HERC4: variants seen among roughly 807,000 people sequenced by gnomAD.
The protein encoded by HERC4 is HECT and RLD domain containing E3 ubiquitin protein ligase 4.
Under a neutral mutation model 124.3 loss-of-function variants are expected in HERC4, and 28 were observed. The ratio of observed to expected loss-of-function variants is 0.23; its 90% CI spans 0.17 to 0.31. The LOEUF (loss-of-function observed/expected upper bound fraction) is 0.31, where lower values mean the gene tolerates loss of function less well. Among genes scored for constraint, HERC4 ranks in the 10% least tolerant of loss-of-function variants. HERC4 has a pLI of 1.00. For missense variants in HERC4, 713 were observed against 1,229.3 expected (o/e 0.58, Z 6.28); for synonymous variants, 407 against 421.5 (o/e 0.97, Z 0.42).
chr10:68,022,146 G>GA (rs1564558315), intron 8 of HERC4, among the ~76,000 whole-genome samples: 3 of 152,258 alleles, frequency 2.0e-5, no homozygotes, highest in Admixed American at 2.0e-4. Flanking sequence ...TAAATGGAAA[G>GA]AAACAGCATG....
intron 3 of HERC4, chr10:68,066,958 T>C (rs2041333660): frequency 6.6e-6 from 1 of 152,628 alleles, no homozygotes; most frequent in Non-Finnish European, 1.5e-5. Flanking sequence ...AAACAGAAGA[T>C]ATTACTGTAA....
intron 9 of HERC4, among the ~76,000 whole-genome samples, chr10:68,003,721 T>C (rs1156738271): frequency 6.6e-6 from 1 of 152,212 alleles, no homozygotes; most frequent in South Asian, 2.1e-4. Flanking sequence ...TAGTATTCCA[T>C]TGTGTATATA....
At chr10:67,932,452 T>C (rs995635560) in intron 23 of HERC4, 145 bp downstream of exon 23, 1 of 658,820 alleles carries the variant, frequency 1.5e-6, no homozygotes, top group Non-Finnish European at 2.5e-6. Flanking sequence ...TTCAAATCCA[T>C]TCATTGTGGA....
At chr10:68,044,981 T>C (rs1415696113) in intron 3 of HERC4, among the ~76,000 whole-genome samples, 1 of 152,194 alleles carries the variant, frequency 6.6e-6, no homozygotes, top group Non-Finnish European at 1.5e-5. Flanking sequence ...AGATCATAAC[T>C]GACACATATA....
At chr10:67,942,389 AT>A (rs1358475654) in intron 19 of HERC4, among the ~76,000 whole-genome samples, 1 of 152,122 alleles carries the variant, frequency 6.6e-6, no homozygotes, top group African/African-American at 2.4e-5. Context: ...CTTTTTGCAT[AT>A]TTTTGTCCAT....
At chr10:68,032,630 GAATAATCTA>G in intron 7 of HERC4, 139 bp downstream of exon 7, 1 of 547,954 alleles carries the variant, frequency 1.8e-6, no homozygotes, top group Non-Finnish European at 3.3e-6. Context: ...TTTTTTTCAA[GAATAATCTA>G]AGTCTTTTTT....
rs1233159575 is a variant in HERC4 at position 67,956,773 on chromosome 10, C to T, written c.2025+105G>A. ...GTCTTCTTTATAGCTACCCAAAGTA[C>T]TTTGTGTACCTTCATTACTGATCCT... is the stretch of plus-strand genomic sequence containing the variant. On this transcript the variant is annotated intron_variant, in intron 17 of 24. Coordinates refer to ENST00000373700, the MANE Select transcript of HERC4 (RefSeq NM_015601.4). 3 of 604,954 alleles carry T rather than the reference C, an allele frequency of 5.0e-6. No homozygotes were observed. The African/African-American group carries it at 5.5e-5, about 11-fold the overall frequency. 37.5% of individuals were successfully genotyped at this position (604,954 alleles called of 1,614,324 possible). A position where few individuals can be genotyped will look rare whatever the true frequency, so the allele number is the denominator to read the frequency against.
chr10:68,071,605 A>G (rs748940917), intron 3 of HERC4, among the ~76,000 whole-genome samples: 3 of 152,216 alleles, frequency 2.0e-5, no homozygotes, highest in Non-Finnish European at 2.9e-5. Flanking sequence ...GAGCAGAGAC[A>G]ATCATCAAAT....
At chr10:68,033,527 G>A (rs2039314809) in intron 6 of HERC4, among the ~76,000 whole-genome samples, 1 of 152,082 alleles carries the variant, frequency 6.6e-6, no homozygotes, top group South Asian at 2.1e-4. Context: ...AATTCAAAAT[G>A]TTTAAGACTT....
intron 15 of HERC4, among the ~76,000 whole-genome samples, chr10:67,986,835 G>A (rs760247896): frequency 7.2e-5 from 11 of 152,104 alleles, no homozygotes; most frequent in South Asian, 2.1e-4. Flanking sequence ...CTAGTCCAGC[G>A]CCTATAATAT....
Position 68,003,318 on chromosome 10 carries a change from T to G in HERC4, c.1070-10636A>C, listed in dbSNP as rs892614465. 4.9e-5 allele frequency among the ~76,000 whole-genome samples: 7 copies of G among 144,248 alleles called. No homozygotes were observed. In the Admixed American group the frequency reaches 5.1e-4, roughly 10 times the overall value. 94.6% of individuals were successfully genotyped at this position (144,248 alleles called of 152,430 possible). A position where few individuals can be genotyped will look rare whatever the true frequency, so the allele number is the denominator to read the frequency against. On this transcript the variant is annotated intron_variant, in intron 9 of 24. Transcript: ENST00000373700. The stretch of plus-strand genomic sequence containing the variant: ...ACAGGCCTGCAGGCGCCTGCCACCA[T>G]GCCTGACTAATTTTTTTTTTTTTTT...
At chr10:68,047,966 C>T (rs1346270794) in intron 3 of HERC4, among the ~76,000 whole-genome samples, 1 of 151,928 alleles carries the variant, frequency 6.6e-6, no homozygotes, top group Admixed American at 6.6e-5. Context: ...ACCCTGTTGC[C>T]CAGGCTGAAG....
chr10:67,979,622 A>G (rs2035807619), intron 15 of HERC4, among the ~76,000 whole-genome samples: 1 of 152,176 alleles, frequency 6.6e-6, no homozygotes, highest in Non-Finnish European at 1.5e-5. Flanking sequence ...ACTTAATCCA[A>G]ATAAGACTCT....
intron 4 of HERC4, among the ~76,000 whole-genome samples, chr10:68,043,711 G>A (rs1362044452): frequency 6.6e-6 from 1 of 152,092 alleles, no homozygotes; most frequent in Non-Finnish European, 1.5e-5. Context: ...AGCTACTCAG[G>A]AGGCTGAGGC....
chr10:67,992,435 C>T, intron 10 of HERC4, 112 bp from the exon 11 acceptor site: 1 of 1,381,080 alleles, frequency 7.2e-7, no homozygotes. Flanking sequence ...CTCTCCTGAA[C>T]ACCTGAAACA....
At chr10:68,000,874 A>G (rs1229971104) in intron 9 of HERC4, among the ~76,000 whole-genome samples, 1 of 152,198 alleles carries the variant, frequency 6.6e-6, no homozygotes, top group African/African-American at 2.4e-5. Flanking sequence ...GCAACTCTAA[A>G]TTCGGACTTC....
At chr10:68,048,014 G>A (rs2040103387) in intron 3 of HERC4, among the ~76,000 whole-genome samples, 1 of 151,712 alleles carries the variant, frequency 6.6e-6, no homozygotes, top group Admixed American at 6.6e-5. Flanking sequence ...AGCCTCCCAG[G>A]CTCAAGCAAT....
chr10:67,926,416 T>C (rs1286525503), intron 23 of HERC4, among the ~76,000 whole-genome samples: 1 of 119,446 alleles, frequency 8.4e-6, no homozygotes, highest in Non-Finnish European at 1.8e-5. Context: ...AAATAAAAAA[T>C]AAAAAAAAAA....
chr10:68,014,229 C>T (rs1381091713), intron 8 of HERC4, 43 bp from the exon 9 acceptor site: 3 of 1,443,262 alleles, frequency 2.1e-6, no homozygotes, highest in Non-Finnish European at 2.8e-6. Flanking sequence ...ATGTTACCTT[C>T]CAACAATTTA....
Sources: allele counts gnomAD v4.1 joint callset (sites outside exome capture counted in the v4.1 genomes callset), GRCh38; gene constraint gnomAD v4.1.1; transcripts MANE v1.5; gene names NCBI Gene and HGNC (gene_info 2026-07-23, HGNC 2026-07-21).